IMMP2L: variants seen among roughly 807,000 people sequenced by gnomAD.
IMMP2L encodes the protein mitochondrial inner membrane protease subunit 2.
In IMMP2L, 18 loss-of-function variants were observed where a neutral mutation model predicts 19.3. The ratio of observed to expected loss-of-function variants is 0.93; its 90% CI spans 0.64 to 1.38. The LOEUF is 1.38. Among genes scored for constraint, IMMP2L ranks in the 40% most tolerant of loss-of-function variants. IMMP2L has a pLI of 0.00. For synonymous variants in IMMP2L, 76 were observed against 73.0 expected, an observed-to-expected ratio of 1.04 and a Z score of -0.21; for missense variants, 233 against 218.2, an observed-to-expected ratio of 1.07 and a Z score of -0.43.
intron 3 of IMMP2L, among the ~76,000 whole-genome samples, chr7:111,032,076 C>T (rs28393480): frequency 0.029 from 4,450 of 151,772 alleles, 223 homozygotes; most frequent in African/African-American, 0.1. Flanking sequence ...GTAGCTGGAA[C>T]GACAAGTGGG....
At chr7:111,340,853 G>A (rs1427779500) in intron 3 of IMMP2L, among the ~76,000 whole-genome samples, 4 of 152,012 alleles carry the variant, frequency 2.6e-5, no homozygotes, top group East Asian at 1.9e-4. Context: ...CTATAAGTAC[G>A]CTTTTGATTA....
At chr7:111,394,891 G>A (rs1465560079) in intron 3 of IMMP2L, 4 of 234,426 alleles carry the variant, frequency 1.7e-5, no homozygotes, top group East Asian at 1.0e-4. Flanking sequence ...CAGGCTACTC[G>A]ACATGCAGAA....
intron 4 of IMMP2L, among the ~76,000 whole-genome samples, chr7:110,918,686 C>A (rs867054218): frequency 1.3e-5 from 2 of 151,632 alleles, no homozygotes; most frequent in South Asian, 4.2e-4. Context: ...GAACTCCTGA[C>A]CTCATGATCT....
At chr7:111,032,011 T>A (rs1165874652) in intron 3 of IMMP2L, among the ~76,000 whole-genome samples, 1 of 146,056 alleles carries the variant, frequency 6.8e-6, no homozygotes, top group Non-Finnish European at 1.5e-5. Flanking sequence ...CGACTTCAGC[T>A]CACTGCAACC....
At chr7:110,975,833 TA>T (rs1820632188) in intron 3 of IMMP2L, among the ~76,000 whole-genome samples, 1 of 152,150 alleles carries the variant, frequency 6.6e-6, no homozygotes, top group South Asian at 2.1e-4. Context: ...CAGTATTAAT[TA>T]AAAGTATGTA....
At chr7:111,403,153 C>A (rs1374314889) in intron 3 of IMMP2L, among the ~76,000 whole-genome samples, 2 of 151,942 alleles carry the variant, frequency 1.3e-5, no homozygotes, top group African/African-American at 2.4e-5. Flanking sequence ...GAGGAAGGGA[C>A]CTGGTGGGAG....
chr7:111,471,408 A>G (rs1841257172), intron 3 of IMMP2L, among the ~76,000 whole-genome samples: 1 of 152,104 alleles, frequency 6.6e-6, no homozygotes, highest in South Asian at 2.1e-4. Context: ...TCATGGGTAT[A>G]GATATAAAGA....
chr7:111,119,395 G>A (rs1800305002), intron 3 of IMMP2L, among the ~76,000 whole-genome samples: 1 of 152,116 alleles, frequency 6.6e-6, no homozygotes, highest in African/African-American at 2.4e-5. Flanking sequence ...CCATATCTAA[G>A]TCATCTGTTT....
intron 5 of IMMP2L, among the ~76,000 whole-genome samples, chr7:110,734,114 G>A (rs1442394440): frequency 1.3e-5 from 2 of 152,144 alleles, no homozygotes. Flanking sequence ...AGTAGAAGCT[G>A]GAAGAATTTT....
At chr7:111,513,779 G>A (rs770716607) in intron 2 of IMMP2L, among the ~76,000 whole-genome samples, 18 of 151,996 alleles carry the variant, frequency 1.2e-4, no homozygotes, top group African/African-American at 3.1e-4. Context: ...ATATGAGTGC[G>A]TGTGGATATT....
chr7:110,677,437 A>G (rs761976319), intron 5 of IMMP2L, among the ~76,000 whole-genome samples: 1 of 152,196 alleles, frequency 6.6e-6, no homozygotes, highest in African/African-American at 2.4e-5. Flanking sequence ...ACAGGAGACT[A>G]GGTTCGTACA....
chr7:111,229,578 T>G (rs1235058794), intron 3 of IMMP2L, among the ~76,000 whole-genome samples: 2 of 152,044 alleles, frequency 1.3e-5, no homozygotes, highest in Non-Finnish European at 2.9e-5. Flanking sequence ...TTTCTAGGGT[T>G]GATTGTGTGG....
At chr7:111,189,570 AT>A (rs1808647545) in intron 3 of IMMP2L, among the ~76,000 whole-genome samples, 4 of 152,214 alleles carry the variant, frequency 2.6e-5, no homozygotes, top group African/African-American at 4.8e-5. Flanking sequence ...GAAAAAAAAA[AT>A]AAATAAATAT....
chr7:110,858,644 G>A (rs1016563438), intron 5 of IMMP2L, among the ~76,000 whole-genome samples: 1 of 151,812 alleles, frequency 6.6e-6, no homozygotes, highest in Non-Finnish European at 1.5e-5. Flanking sequence ...GGGTACATAT[G>A]CACAATGTGC....
intron 4 of IMMP2L, among the ~76,000 whole-genome samples, chr7:110,891,526 A>G (rs1810798412): frequency 6.6e-6 from 1 of 152,214 alleles, no homozygotes. Flanking sequence ...TACAAATCTC[A>G]TTTGGAAATA....
At chr7:110,969,040 G>A (rs890908578) in intron 3 of IMMP2L, among the ~76,000 whole-genome samples, 3 of 151,960 alleles carry the variant, frequency 2.0e-5, no homozygotes, top group Non-Finnish European at 4.4e-5. Flanking sequence ...GCATTGTAAA[G>A]GTTTGGTCAA....
chr7:110,766,956 CA>C (rs1798706018), intron 5 of IMMP2L, among the ~76,000 whole-genome samples: 1 of 152,032 alleles, frequency 6.6e-6, no homozygotes, highest in Non-Finnish European at 1.5e-5. Context: ...TTAATTGGGC[CA>C]TTGGATCCTG....
chr7:111,182,593 C>G (rs1586722809), intron 3 of IMMP2L, among the ~76,000 whole-genome samples: 1 of 151,430 alleles, frequency 6.6e-6, no homozygotes, highest in East Asian at 1.9e-4. Flanking sequence ...AAAGAGAGTA[C>G]AAAGTACCCA....
At chr7:110,840,346 C>G (rs1006036000) in intron 5 of IMMP2L, among the ~76,000 whole-genome samples, 1 of 152,076 alleles carries the variant, frequency 6.6e-6, no homozygotes, top group East Asian at 1.9e-4. Flanking sequence ...CATCGATTTC[C>G]TTCTGGAATC....
Sources: gnomAD v4.1 joint callset for allele counts (sites outside exome capture counted in the v4.1 genomes callset) on GRCh38, gnomAD v4.1.1 for gene constraint, MANE v1.5 for transcripts, NCBI Gene and HGNC (gene_info 2026-07-23, HGNC 2026-07-21) for gene names.